Variants in MAFF observed in about 807,000 individuals in gnomAD.
The protein encoded by MAFF is MAF bZIP transcription factor F, also known as transcription factor MafF.
In MAFF, 4 loss-of-function variants were observed where a neutral mutation model predicts 2.7. The observed-to-expected ratio is 1.48, with a 90% CI of 0.73 to 3.39. MAFF has a LOEUF of 3.39. Ranked by LOEUF, MAFF falls within the 30% of genes most tolerant of loss-of-function variation. MAFF has a pLI of 0.01. For synonymous variants in MAFF, 113 were observed against 119.4 expected (o/e 0.95, Z 0.35); for missense variants, 190 against 246.6 (o/e 0.77, Z 1.54).
intron 1 of MAFF, among the ~76,000 whole-genome samples, chr22:38,207,279 G>T (rs1195728395): frequency 6.7e-6 from 1 of 150,240 alleles, no homozygotes; most frequent in African/African-American, 2.5e-5. Flanking sequence ...GTGCCACCAG[G>T]CCCAGCTAAT....
In MAFF at chr22:38,215,943, A is replaced by G. The variant is rs879332286; in HGVS notation, c.*1065A>G. On this transcript the variant is annotated 3_prime_UTR_variant, in exon 3 of 3. Coordinates refer to ENST00000338483, the MANE Select transcript of MAFF (RefSeq NM_012323.4). ...CACTGTTTATTTATTGCACGGATCTAAGTTATTCTCCCCAGCCAGAGCCCG... is the reference window on the plus strand; with the variant it reads ...CACTGTTTATTTATTGCACGGATCTGAGTTATTCTCCCCAGCCAGAGCCCG... 6.0e-6 allele frequency: 1 copy of G among 167,156 alleles called. No homozygotes were observed. Among genetic ancestry groups the G allele is most frequent in the African/African-American group, 2.4e-5 (1 of 41,468 alleles). The allele number at this position is 167,156 out of a possible 1,614,324, so 10.4% of individuals were successfully genotyped here.
At chr22:38,205,340 G>A (rs1014689737) in intron 1 of MAFF, 3 of 152,278 alleles carry the variant, frequency 2.0e-5, no homozygotes, top group Admixed American at 6.5e-5. Context: ...GTGGTGCTTG[G>A]TTCTTCCAGC....
Position 38,214,798 on chromosome 22 carries a change from A to G in MAFF, c.415A>G (p.Ile139Val). 1 of 1,480,504 alleles carries G rather than the reference A, an allele frequency of 6.8e-7. No individual in the cohort carries two copies. The highest frequency in any genetic ancestry group is 8.9e-7 in the Non-Finnish European group (1 of 1,121,414). The allele number at this position is 1,480,504 out of a possible 1,614,324, so 91.7% of individuals were successfully genotyped here. A position where few individuals can be genotyped will look rare whatever the true frequency, so the allele number is the denominator to read the frequency against. The change falls in exon 3 of 3, where the codon ATC (isoleucine) becomes GTC (valine). Residue 139 changes from isoleucine to valine, a missense_variant. Transcript: ENST00000338483. The surrounding 1 kb of genome is among the most constrained non-coding windows in gnomAD (Gnocchi z 6.3). ...CGTGGCGCCGGCCAGCGTCATCACCATCGTCAAGTCCACCCCGGGCTCGGG... is the reference window on the plus strand; with the variant it reads ...CGTGGCGCCGGCCAGCGTCATCACCGTCGTCAAGTCCACCCCGGGCTCGGG... The part of the protein sequence containing the change: ...TLVAPASVIT[I>V]VKSTPGSGSG...
Position 38,215,377 on chromosome 22 carries a change from G to T in MAFF, c.*499G>T. 5.9e-6 allele frequency: 1 copy of T among 168,936 alleles called. No individual in the cohort carries two copies. The highest frequency in any genetic ancestry group is 1.9e-4 in the South Asian group (1 of 5,244). The allele number at this position is 168,936 out of a possible 1,614,324, so 10.5% of individuals were successfully genotyped here. On this transcript the variant is annotated 3_prime_UTR_variant, in exon 3 of 3. Coordinates refer to ENST00000338483, the MANE Select transcript of MAFF (RefSeq NM_012323.4). ...CCTGGCCTTCCGAAACTAAAAGAGTGGGTGGGAAGACTAGTGAAACCCAGT... is the reference window on the plus strand; with the variant it reads ...CCTGGCCTTCCGAAACTAAAAGAGTTGGTGGGAAGACTAGTGAAACCCAGT...
chr22:38,214,452 C>T lies in MAFF; in HGVS notation c.69C>T (p.His23=), dbSNP rs539101232. The T allele has an allele frequency of 9.3e-6, 15 of 1,607,252 alleles. No homozygotes were observed. The Admixed American group carries it at 2.5e-4, about 27-fold the overall frequency. Residue 23 remains histidine (H), a synonymous_variant, in exon 3 of 3, where the codon CAC becomes CAT. Coordinates refer to ENST00000338483, the MANE Select transcript of MAFF (RefSeq NM_012323.4). This position sits in a 1 kb window ranked among gnomAD's most constrained non-coding sequence, Gnocchi z 6.3. The part of the protein sequence containing the change: ...IKRELSENTP[H]LSDEALMGLS... ...GAGAGCTGAGCGAGAACACGCCGCA[C>T]CTGTCGGACGAGGCGCTGATGGGGC... is the stretch of plus-strand genomic sequence containing the variant.
At chr22:38,205,062 A>C in intron 1 of MAFF, among the ~76,000 whole-genome samples, 1 of 151,950 alleles carries the variant, frequency 6.6e-6, no homozygotes, top group East Asian at 1.9e-4. Flanking sequence ...ATAGTCTGAT[A>C]GTTTGTGTCT....
rs990098688 is a variant in MAFF at position 38,214,143 on chromosome 22, T to C, written c.36+254T>C. Among the ~76,000 whole-genome samples the C allele has an allele frequency of 1.3e-5, 2 of 152,250 alleles. No individual in the cohort carries two copies. The highest frequency in any genetic ancestry group is 2.9e-5 in the Non-Finnish European group (2 of 68,038). ...CCTTCCCCATCGGGTCAATGTCCCCTGGGGCATTCAAAGGTGCTTTCCGAC... is the reference window on the plus strand; with the variant it reads ...CCTTCCCCATCGGGTCAATGTCCCCCGGGGCATTCAAAGGTGCTTTCCGAC... On this transcript the variant is annotated intron_variant, in intron 2 of 2. Transcript: ENST00000338483. The surrounding 1 kb of genome is among the most constrained non-coding windows in gnomAD (Gnocchi z 6.3).
chr22:38,214,031 G>T lies in MAFF; in HGVS notation c.36+142G>T, dbSNP rs1477346281. On this transcript the variant is annotated intron_variant, in intron 2 of 2. Coordinates refer to ENST00000338483, the MANE Select transcript of MAFF (RefSeq NM_012323.4). The surrounding 1 kb of genome is among the most constrained non-coding windows in gnomAD (Gnocchi z 6.3). ...GGCCTTCATGATGCCAAAGGGAAGG[G>T]CCACAGCCATGGGCTGGGACCAGGA... is the stretch of plus-strand genomic sequence containing the variant. 3 of 871,148 alleles carry T rather than the reference G, an allele frequency of 3.4e-6. No individual in the cohort carries two copies. The African/African-American group carries it at 5.0e-5, about 15-fold the overall frequency. The allele number at this position is 871,148 out of a possible 1,614,324, so 54.0% of individuals were successfully genotyped here.
At chr22:38,210,356 G>A (rs886879910) in intron 1 of MAFF, among the ~76,000 whole-genome samples, 2 of 152,280 alleles carry the variant, frequency 1.3e-5, no homozygotes, top group South Asian at 4.1e-4. Context: ...GAGGAGCTGG[G>A]GAGTTTCCTG....
At position 38,214,739 on chromosome 22, in the gene MAFF, G is replaced by T. The variant is rs1224883840; in HGVS notation, c.356G>T (p.Arg119Leu). Residue 119 changes from arginine (R) to leucine (L), a missense_variant, in exon 3 of 3, where the codon CGC (arginine) becomes CTC (leucine). Physicochemically the swap from Arg to Leu is moderately radical, Grantham distance 102. This residue lies in a region of MAFF where 103 missense variants were observed against 103.0 expected (regional missense o/e 1.00). Transcript: ENST00000338483. This position sits in a 1 kb window ranked among gnomAD's most constrained non-coding sequence, Gnocchi z 6.3. ...TGCGAGGCGCTGCAGGGCTTCGCGC[G>T]CTCCGTGGCCGCCGCCCGCGGGCCC... ...GKCEALQGFA[R>L]SVAAARGPAT... is the part of the protein sequence containing the mutation. 1.4e-5 allele frequency: 20 copies of T among 1,414,288 alleles called. No homozygotes were observed. The highest frequency in any genetic ancestry group is 1.7e-5 in the Non-Finnish European group (19 of 1,094,124). 87.6% of individuals were successfully genotyped at this position (1,414,288 alleles called of 1,614,324 possible). A position where few individuals can be genotyped will look rare whatever the true frequency, so the allele number is the denominator to read the frequency against.
chr22:38,209,538 C>T (rs892493844), intron 1 of MAFF, among the ~76,000 whole-genome samples: 1 of 151,732 alleles, frequency 6.6e-6, no homozygotes, highest in East Asian at 1.9e-4. Context: ...TTGGGTTGGG[C>T]GTGGTGGCTC....
intron 1 of MAFF, among the ~76,000 whole-genome samples, chr22:38,206,042 G>A (rs887417532): frequency 5.3e-5 from 8 of 152,272 alleles, no homozygotes; most frequent in Admixed American, 2.0e-4. Context: ...AGGAGTGGGG[G>A]AAGAGCAGGT....
At chr22:38,213,176 C>CAAAAAAAAAAAAA (rs57782814) in intron 1 of MAFF, among the ~76,000 whole-genome samples, 8 of 114,088 alleles carry the variant, frequency 7.0e-5, no homozygotes, top group African/African-American at 1.0e-4. Context: ...GACTCTGTCT[C>CAAAAAAAAAAAAA]AAAAAAAAAA....
rs768380103 is a variant in MAFF, at chr22:38,214,738, C to T, written c.355C>T (p.Arg119Cys). 15 of 1,414,904 alleles carry T rather than the reference C, an allele frequency of 1.1e-5. No individual in the cohort carries two copies. The South Asian group carries it at 2.3e-4, about 21-fold the overall frequency. 87.6% of individuals were successfully genotyped at this position (1,414,904 alleles called of 1,614,324 possible). Residue 119 changes from arginine to cysteine, a missense_variant, in exon 3 of 3, where the codon CGC becomes TGC. Arg to Cys is a radical substitution (Grantham distance 180, BLOSUM62 -3). Transcript: ENST00000338483. This position sits in a 1 kb window ranked among gnomAD's most constrained non-coding sequence, Gnocchi z 6.3. The stretch of plus-strand genomic sequence containing the variant: ...GTGCGAGGCGCTGCAGGGCTTCGCG[C>T]GCTCCGTGGCCGCCGCCCGCGGGCC... ...GKCEALQGFA[R>C]SVAAARGPAT...
chr22:38,209,060 T>A (rs11705176), intron 1 of MAFF, among the ~76,000 whole-genome samples: 1 of 150,996 alleles, frequency 6.6e-6, no homozygotes, highest in Non-Finnish European at 1.5e-5. Context: ...TTTTGTTTGC[T>A]TGTTTGTTTT....
At chr22:38,212,997 A>G (rs1362393813) in intron 1 of MAFF, among the ~76,000 whole-genome samples, 1 of 151,962 alleles carries the variant, frequency 6.6e-6, no homozygotes, top group African/African-American at 2.4e-5. Context: ...CCCTGTCTCT[A>G]AAAATAAAAA....
In MAFF at chr22:38,214,073, A is replaced by G. The variant is rs1260496097; in HGVS notation, c.36+184A>G. Reference sequence around the variant, plus strand: ...GGACCAGGAGGCCTGGGCTCTGGTCACAGGCTGCATGTCCCTGGGGTAGGT... The same window carrying G: ...GGACCAGGAGGCCTGGGCTCTGGTCGCAGGCTGCATGTCCCTGGGGTAGGT... On this transcript the variant is annotated intron_variant, in intron 2 of 2. Coordinates refer to ENST00000338483, the MANE Select transcript of MAFF (RefSeq NM_012323.4). This position sits in a 1 kb window ranked among gnomAD's most constrained non-coding sequence, Gnocchi z 6.3. Among the ~76,000 whole-genome samples the G allele has an allele frequency of 6.6e-6, 1 of 152,234 alleles. No individual in the cohort carries two copies. Among genetic ancestry groups the G allele is most frequent in the East Asian group, 1.9e-4 (1 of 5,196 alleles).
chr22:38,210,708 G>T, intron 1 of MAFF, among the ~76,000 whole-genome samples: 1 of 151,286 alleles, frequency 6.6e-6, no homozygotes, highest in Non-Finnish European at 1.5e-5. Context: ...GTGAACATGA[G>T]ATTTGAAGAG....
chr22:38,213,786 A>T, intron 1 of MAFF, 37 bp from the exon 2 acceptor site: 1 of 1,523,710 alleles, frequency 6.6e-7, no homozygotes, highest in Non-Finnish European at 9.1e-7. Context: ...GGGAAACCAA[A>T]AACAAAACAG....
Sources: gnomAD v4.1 joint callset for allele counts (sites outside exome capture counted in the v4.1 genomes callset) on GRCh38, gnomAD v4.1.1 for gene constraint, gnomAD v4.1.1 regional missense constraint, Gnocchi (gnomAD v3.1) non-coding constraint, MANE v1.5 for transcripts, NCBI Gene and HGNC (gene_info 2026-07-23, HGNC 2026-07-21) for gene names.